The following BRAP variants were observed in gnomAD, a reference collection of about 807,000 sequenced individuals.
The protein encoded by BRAP is BRCA1 associated protein.
In BRAP, 42 loss-of-function variants were observed where a neutral mutation model predicts 73.4. The observed-to-expected ratio is 0.57, with a 90% CI of 0.45 to 0.74. BRAP has a LOEUF of 0.74. BRAP is among the 30% of genes least tolerant of loss of function. BRAP has a pLI of 0.00. For synonymous variants in BRAP, 255 were observed against 267.4 expected, an observed-to-expected ratio of 0.95 and a Z score of 0.45; for missense variants, 593 against 751.4, an observed-to-expected ratio of 0.79 and a Z score of 2.46.
intron 4 of BRAP, among the ~76,000 whole-genome samples, chr12:111,678,755 T>C (rs1425840002): frequency 3.4e-5 from 5 of 148,626 alleles, no homozygotes; most frequent in Non-Finnish European, 3.0e-5. Flanking sequence ...AGTGGTGTGA[T>C]GTCAGCTTTC....
rs754478683 is a variant in BRAP, at chr12:111,681,681, T to A, written c.399A>T (p.Pro133=). The A allele has an allele frequency of 6.2e-7, 1 of 1,614,042 alleles. No homozygotes were observed. The highest frequency in any genetic ancestry group is 1.7e-5 in the Admixed American group (1 of 60,004). Residue 133 remains proline, a synonymous_variant, in exon 3 of 12, where the codon CCA becomes CCT. Coordinates refer to ENST00000419234, the MANE Select transcript of BRAP (RefSeq NM_006768.5). ...TAATACCATGAACTATTTCAACTGA[T>A]GGATTTCCACTGAAGAATGAAATCT... ...PDQISFFSGN[P]SVEIVHGIMH...
In BRAP at chr12:111,643,054, C is replaced by T. The variant is rs1231683616; in HGVS notation, c.*1145G>A. 3 of 152,120 alleles carry T rather than the reference C, an allele frequency of 2.0e-5. No individual in the cohort carries two copies. The highest frequency in any genetic ancestry group is 4.4e-5 in the Non-Finnish European group (3 of 68,028). 9.4% of individuals were successfully genotyped at this position (152,120 alleles called of 1,614,324 possible). ...TCTACCTCTTCAAGAAACTAAATTCCAACACAGGTCTTATTTTAAGTTTGC... is the reference window on the plus strand; with the variant it reads ...TCTACCTCTTCAAGAAACTAAATTCTAACACAGGTCTTATTTTAAGTTTGC... On this transcript the variant is annotated 3_prime_UTR_variant, in exon 12 of 12. Coordinates refer to ENST00000419234, the MANE Select transcript of BRAP (RefSeq NM_006768.5).
rs1886000706 is a variant in BRAP, at chr12:111,644,072, G to T, written c.*127C>A. 5.1e-6 allele frequency: 7 copies of T among 1,366,890 alleles called. No homozygotes were observed. The highest frequency in any genetic ancestry group is 6.8e-6 in the Non-Finnish European group (7 of 1,026,744). The allele number at this position is 1,366,890 out of a possible 1,614,324, so 84.7% of individuals were successfully genotyped here. On this transcript the variant is annotated 3_prime_UTR_variant, in exon 12 of 12. Coordinates refer to ENST00000419234, the MANE Select transcript of BRAP (RefSeq NM_006768.5). Reference sequence around the variant, plus strand: ...ACATCACACACTAGCAAATGAAAGAGCCAAACAACTGTGGCTTGATCCTCA... The same window carrying T: ...ACATCACACACTAGCAAATGAAAGATCCAAACAACTGTGGCTTGATCCTCA...
At chr12:111,662,525 G>C (rs1331009532) in intron 6 of BRAP, among the ~76,000 whole-genome samples, 1 of 151,846 alleles carries the variant, frequency 6.6e-6, no homozygotes, top group Admixed American at 6.6e-5. Flanking sequence ...ACTCCAGCCT[G>C]GGCAACAAGA....
chr12:111,647,571 G>A (rs554479738), intron 11 of BRAP, among the ~76,000 whole-genome samples: 2 of 152,290 alleles, frequency 1.3e-5, no homozygotes, highest in East Asian at 3.9e-4. Flanking sequence ...TTTGCAGGGT[G>A]TGGTGGCCCA....
At chr12:111,648,417 T>C (rs909737556) in intron 11 of BRAP, among the ~76,000 whole-genome samples, 3 of 136,370 alleles carry the variant, frequency 2.2e-5, no homozygotes, top group Non-Finnish European at 3.1e-5. Flanking sequence ...ATCGAGACCA[T>C]CCTGGCCAAC....
rs765414854 is a variant in BRAP at position 111,665,799 on chromosome 12, ACCTCACATAAG to A, written c.748-23_748-13del. ...GGGAGGCTGGCGCCCTACAGGAAAC[ACCTCACATAAG>A]CCTCACTCTTCATCTACCAGCAATA... On this transcript the variant is annotated splice_polypyrimidine_tract_variant and intron_variant, in intron 5 of 11. Coordinates refer to ENST00000419234, the MANE Select transcript of BRAP (RefSeq NM_006768.5). The surrounding 1 kb of genome is among the most constrained non-coding windows in gnomAD (Gnocchi z 4.3). The A allele has an allele frequency of 1.2e-6, 2 of 1,614,056 alleles. No individual in the cohort carries two copies. Among genetic ancestry groups the A allele is most frequent in the East Asian group, 4.5e-5 (2 of 44,868 alleles).
intron 5 of BRAP, among the ~76,000 whole-genome samples, chr12:111,671,681 C>CTTTTT (rs980479092): frequency 6.2e-5 from 7 of 113,098 alleles, no homozygotes; most frequent in Non-Finnish European, 9.1e-5. Flanking sequence ...AACAGAGAGA[C>CTTTTT]TTTTTTTTTT....
intron 8 of BRAP, 61 bp downstream of exon 8, chr12:111,659,146 G>T: frequency 6.4e-7 from 1 of 1,559,188 alleles, no homozygotes; most frequent in Admixed American, 1.8e-5. Flanking sequence ...AAGTGAAGGC[G>T]TTGTGAAGGC....
At chr12:111,677,718 TG>T (rs1386533318) in intron 4 of BRAP, among the ~76,000 whole-genome samples, 1 of 152,222 alleles carries the variant, frequency 6.6e-6, no homozygotes, top group Non-Finnish European at 1.5e-5. Flanking sequence ...CAAAGCTCCT[TG>T]GCACCCTTGG....
chr12:111,657,233 G>A (rs1356153286), intron 9 of BRAP, among the ~76,000 whole-genome samples: 1 of 151,986 alleles, frequency 6.6e-6, no homozygotes, highest in African/African-American at 2.4e-5. Context: ...TAGTAGAAGT[G>A]GGGTTTCACC....
intron 4 of BRAP, among the ~76,000 whole-genome samples, chr12:111,676,736 A>G (rs1457632203): frequency 2.6e-5 from 4 of 152,106 alleles, no homozygotes; most frequent in Non-Finnish European, 5.9e-5. Context: ...CGTTGAGAGG[A>G]TTCAAGGAGA....
intron 3 of BRAP, among the ~76,000 whole-genome samples, chr12:111,681,182 A>G (rs542462688): frequency 6.6e-6 from 1 of 152,188 alleles, no homozygotes; most frequent in East Asian, 1.9e-4. Flanking sequence ...CAGCCTGGCC[A>G]ACAGGGTGAA....
In BRAP at chr12:111,683,142, A is replaced by AT; in HGVS notation, c.244+3dup. 6.2e-7 allele frequency: 1 copy of AT among 1,612,246 alleles called. No homozygotes were observed. The highest frequency in any genetic ancestry group is 8.5e-7 in the Non-Finnish European group (1 of 1,179,376). On this transcript the variant is annotated splice_donor_region_variant and intron_variant, in intron 2 of 11. Transcript: ENST00000419234. ...AAGAGAGTCCAGGGTTTTAGAAAGC[A>AT]TACCTGGGTTGGACTTCATGGTCTC...
Position 111,685,724 on chromosome 12 carries a change from G to A in BRAP, c.69C>T (p.Gly23=). 4 of 1,607,736 alleles carry A rather than the reference G, an allele frequency of 2.5e-6. No individual in the cohort carries two copies. Among genetic ancestry groups the A allele is most frequent in the South Asian group, 1.1e-5 (1 of 90,528 alleles). Residue 23 remains glycine, a synonymous_variant, in exon 1 of 12, where the codon GGC becomes GGT. Transcript: ENST00000419234. ...CGCGGGACTCACCCGCGGCGCTGAA[G>A]CCGAAGCCGGCGGGGACAGGCGAGT... ...AEHSPVPAGF[G]FSAAAGEMSD... is the part of the protein sequence containing the mutation.
intron 10 of BRAP, among the ~76,000 whole-genome samples, chr12:111,651,720 C>A (rs1886333593): frequency 6.7e-6 from 1 of 148,980 alleles, no homozygotes; most frequent in African/African-American, 2.5e-5. Context: ...TCACTACAAC[C>A]TCCAACTCCC....
At chr12:111,659,171 G>C (rs746234404) in intron 8 of BRAP, 36 bp downstream of exon 8, 13 of 1,601,088 alleles carry the variant, frequency 8.1e-6, no homozygotes, top group Admixed American at 3.4e-5. Context: ...TTTCCACACA[G>C]AATGAGTCCA....
intron 10 of BRAP, among the ~76,000 whole-genome samples, chr12:111,652,655 T>G (rs1886372276): frequency 6.6e-6 from 1 of 152,152 alleles, no homozygotes; most frequent in African/African-American, 2.4e-5. Context: ...GGCAGAAGGT[T>G]TGCTTGAGCC....
intron 4 of BRAP, among the ~76,000 whole-genome samples, chr12:111,673,510 G>GAAAAAAAAA (rs11350832): frequency 5.2e-4 from 61 of 118,100 alleles, no homozygotes; most frequent in Non-Finnish European, 6.9e-4. Flanking sequence ...ATCTCAAAAA[G>GAAAAAAAAA]AAAAAAAAAA....
Sources: allele counts gnomAD v4.1 joint callset (sites outside exome capture counted in the v4.1 genomes callset), GRCh38; gene constraint gnomAD v4.1.1; non-coding constraint Gnocchi (gnomAD v3.1); transcripts MANE v1.5; gene names NCBI Gene and HGNC (gene_info 2026-07-23, HGNC 2026-07-21).